The following FOXN3 variants were observed in gnomAD, a reference collection of about 807,000 sequenced individuals.
The protein encoded by FOXN3 is forkhead box protein N3.
In FOXN3, 7 loss-of-function variants were observed where a neutral mutation model predicts 38.4. The ratio of observed to expected loss-of-function variants is 0.18; its 90% CI spans 0.10 to 0.34. FOXN3 has a LOEUF of 0.34. Among genes scored for constraint, FOXN3 ranks in the 10% least tolerant of loss-of-function variants. The pLI is 1.00. For synonymous variants in FOXN3, 230 were observed against 242.2 expected (o/e 0.95, Z 0.47); for missense variants, 456 against 613.4 (o/e 0.74, Z 2.71).
intron 2 of FOXN3, among the ~76,000 whole-genome samples, chr14:89,408,166 G>A (rs1424703857): frequency 1.3e-5 from 2 of 152,124 alleles, no homozygotes; most frequent in African/African-American, 4.8e-5. Flanking sequence ...TCTCAAACCT[G>A]GCTCCATGCT....
At chr14:89,528,610 G>C (rs1032074567) in intron 1 of FOXN3, among the ~76,000 whole-genome samples, 1 of 151,670 alleles carries the variant, frequency 6.6e-6, no homozygotes, top group African/African-American at 2.4e-5. Flanking sequence ...TGGTCAGGCT[G>C]GTCTTGAACT....
intron 4 of FOXN3, among the ~76,000 whole-genome samples, chr14:89,260,322 G>A (rs180844449): frequency 6.6e-6 from 1 of 152,194 alleles, no homozygotes; most frequent in African/African-American, 2.4e-5. Context: ...CTGCTCTCCC[G>A]GGCACGAAGC....
chr14:89,213,629 T>C (rs937795519), intron 4 of FOXN3, among the ~76,000 whole-genome samples: 1 of 152,220 alleles, frequency 6.6e-6, no homozygotes, highest in Non-Finnish European at 1.5e-5. Flanking sequence ...AATATACAGA[T>C]AAGTAAAACT....
chr14:89,516,559 G>GTTTTTT (rs546187742), intron 1 of FOXN3, among the ~76,000 whole-genome samples: 2 of 129,634 alleles, frequency 1.5e-5, no homozygotes. Context: ...GCTGCCAGTA[G>GTTTTTT]TTTTTTTTTT....
chr14:89,347,484 C>T (rs376881256), intron 3 of FOXN3, among the ~76,000 whole-genome samples: 1 of 152,226 alleles, frequency 6.6e-6, no homozygotes, highest in Admixed American at 6.5e-5. Flanking sequence ...ACACATTGGT[C>T]TCGGACTTCC....
At chr14:89,437,243 T>TAAC (rs59184843) in intron 1 of FOXN3, among the ~76,000 whole-genome samples, 17,333 of 151,858 alleles carry the variant, frequency 0.11, 1,039 homozygotes, top group African/African-American at 0.13. Flanking sequence ...TAATAGAGTA[T>TAAC]TGTTGATGAA....
intron 2 of FOXN3, among the ~76,000 whole-genome samples, chr14:89,358,661 T>C (rs192308208): frequency 7.2e-5 from 11 of 152,330 alleles, no homozygotes; most frequent in Non-Finnish European, 1.6e-4. Flanking sequence ...TACAGATTAA[T>C]TAGAATACAT....
intron 1 of FOXN3, among the ~76,000 whole-genome samples, chr14:89,447,971 G>GCCCA (rs1478197950): frequency 6.6e-6 from 1 of 151,642 alleles, no homozygotes; most frequent in African/African-American, 2.4e-5. Flanking sequence ...CTGCCAACAC[G>GCCCA]CCCAGCTAAT....
intron 4 of FOXN3, among the ~76,000 whole-genome samples, chr14:89,220,388 T>C (rs1333125870): frequency 1.3e-5 from 2 of 152,170 alleles, no homozygotes; most frequent in African/African-American, 4.8e-5. Flanking sequence ...GTAGAAAGCA[T>C]GTACAGAGTA....
At chr14:89,197,545 A>C (rs957309860) in intron 4 of FOXN3, among the ~76,000 whole-genome samples, 18 of 151,910 alleles carry the variant, frequency 1.2e-4, no homozygotes, top group Non-Finnish European at 1.9e-4. Context: ...AGATACATAC[A>C]CTAGGGTGTT....
intron 1 of FOXN3, among the ~76,000 whole-genome samples, chr14:89,463,206 A>G (rs61996469): frequency 0.34 from 51,402 of 150,800 alleles, 10,362 homozygotes; most frequent in Middle Eastern, 0.49. Flanking sequence ...GGAGAATGGC[A>G]TGAACCCGGG....
intron 4 of FOXN3, among the ~76,000 whole-genome samples, chr14:89,193,739 G>C (rs1355246466): frequency 6.6e-6 from 1 of 152,122 alleles, no homozygotes; most frequent in Non-Finnish European, 1.5e-5. Flanking sequence ...ATTTCTCTTG[G>C]AAAATTGCTG....
intron 1 of FOXN3, among the ~76,000 whole-genome samples, chr14:89,509,906 A>G (rs1894021645): frequency 6.6e-6 from 1 of 152,234 alleles, no homozygotes; most frequent in African/African-American, 2.4e-5. Context: ...AGATTGCAGG[A>G]GATAGTTTTA....
At position 89,545,879 on chromosome 14, in the gene FOXN3, T is replaced by C. The variant is rs115724043; in HGVS notation, c.-15+73149A>G. On this transcript the variant is annotated intron_variant, in intron 1 of 6. Coordinates refer to the FOXN3 transcript ENST00000345097. ...CAAACTAACCTTTCCCTGTTACCTA[T>C]AGCTCTGCCTGTCCATGGAACCTTC... 1.7e-3 allele frequency among the ~76,000 whole-genome samples: 266 copies of C among 152,260 alleles called. 2 individuals carry two copies. Among genetic ancestry groups the C allele is most frequent in the African/African-American group, 6.0e-3 (251 of 41,568 alleles).
chr14:89,584,518 C>T (rs561378682), intron 1 of FOXN3, among the ~76,000 whole-genome samples: 1 of 152,148 alleles, frequency 6.6e-6, no homozygotes, highest in Non-Finnish European at 1.5e-5. Context: ...TGAGAGTTTC[C>T]GTTTCTTTAC....
chr14:89,213,440 G>A (rs1478011886), intron 4 of FOXN3, among the ~76,000 whole-genome samples: 1 of 152,144 alleles, frequency 6.6e-6, no homozygotes. Flanking sequence ...TAGGAAACTC[G>A]AAGATGGGTT....
At chr14:89,435,732 C>T (rs1892261661) in intron 1 of FOXN3, among the ~76,000 whole-genome samples, 1 of 152,194 alleles carries the variant, frequency 6.6e-6, no homozygotes, top group African/African-American at 2.4e-5. Context: ...GATTCCACTG[C>T]CATTTAGAGT....
chr14:89,348,206 T>C (rs1888826464), intron 3 of FOXN3, among the ~76,000 whole-genome samples: 1 of 151,966 alleles, frequency 6.6e-6, no homozygotes, highest in African/African-American at 2.4e-5. Context: ...AGCCAAGCAC[T>C]TCCCAGGTAC....
chr14:89,327,241 A>T (rs1269509258), intron 3 of FOXN3, among the ~76,000 whole-genome samples: 1 of 152,220 alleles, frequency 6.6e-6, no homozygotes, highest in Non-Finnish European at 1.5e-5. Flanking sequence ...GAAGTACACT[A>T]AGGAGAGAAG....
Sources: gnomAD v4.1 joint callset for allele counts (sites outside exome capture counted in the v4.1 genomes callset) on GRCh38, gnomAD v4.1.1 for gene constraint, MANE v1.5 for transcripts, NCBI Gene and HGNC (gene_info 2026-07-23, HGNC 2026-07-21) for gene names.